Variants in ATP8A1 observed in about 807,000 individuals in gnomAD.
The protein encoded by ATP8A1 is phospholipid-transporting ATPase IA.
A neutral mutation model predicts 177.7 loss-of-function variants in ATP8A1; 90 were observed. The ratio of observed to expected loss-of-function variants is 0.51; its 90% CI spans 0.43 to 0.60. The LOEUF (loss-of-function observed/expected upper bound fraction) is 0.60, where lower values mean the gene tolerates loss of function less well. Ranked by LOEUF, ATP8A1 falls within the 20% of genes least tolerant of loss-of-function variation. The pLI is 0.00. For synonymous variants in ATP8A1, 493 were observed against 485.9 expected (o/e 1.01, Z -0.19); for missense variants, 1,072 against 1,392.8 (o/e 0.77, Z 3.67).
At chr4:42,517,018 A>G (rs1330083912) in intron 22 of ATP8A1, among the ~76,000 whole-genome samples, 1 of 152,132 alleles carries the variant, frequency 6.6e-6, no homozygotes, top group Non-Finnish European at 1.5e-5. Context: ...AACCTGATTT[A>G]GGCCAGGCAC....
At chr4:42,629,246 G>A (rs1247471498) in intron 1 of ATP8A1, among the ~76,000 whole-genome samples, 1 of 152,174 alleles carries the variant, frequency 6.6e-6, no homozygotes, top group Non-Finnish European at 1.5e-5. Context: ...GATCTTTAAA[G>A]AGAAAACTCA....
intron 6 of ATP8A1, among the ~76,000 whole-genome samples, chr4:42,598,423 T>A (rs1403503414): frequency 6.6e-6 from 1 of 152,160 alleles, no homozygotes; most frequent in African/African-American, 2.4e-5. Context: ...ACCACAGTGT[T>A]TTAATAACTT....
chr4:42,412,834 T>G lies in ATP8A1; in HGVS notation c.*82A>C, dbSNP rs1029716222. 8.7e-7 allele frequency: 1 copy of G among 1,153,950 alleles called. No homozygotes were observed. The highest frequency in any genetic ancestry group is 1.3e-6 in the Non-Finnish European group (1 of 777,782). The allele number at this position is 1,153,950 out of a possible 1,614,324, so 71.5% of individuals were successfully genotyped here. On this transcript the variant is annotated 3_prime_UTR_variant, in exon 37 of 37. Coordinates refer to ENST00000381668, the MANE Select transcript of ATP8A1 (RefSeq NM_006095.2). ...TACCTTTCCTCTTCATGGACCAGAC[T>G]GGAATTGGTTAGCAGACTGCGGTGA...
chr4:42,620,665 C>T (rs1186597797), intron 4 of ATP8A1, among the ~76,000 whole-genome samples: 7 of 152,104 alleles, frequency 4.6e-5, no homozygotes, highest in Non-Finnish European at 5.9e-5. Flanking sequence ...GACAAGTTAC[C>T]GTACCCCTCC....
intron 27 of ATP8A1, among the ~76,000 whole-genome samples, chr4:42,460,255 AAAG>A (rs1718963614): frequency 6.6e-6 from 1 of 152,232 alleles, no homozygotes; most frequent in Non-Finnish European, 1.5e-5. Flanking sequence ...ACAGAGGCAC[AAAG>A]AACAGGTGAA....
chr4:42,457,095 C>A (rs1718567479), intron 27 of ATP8A1, among the ~76,000 whole-genome samples: 1 of 152,162 alleles, frequency 6.6e-6, no homozygotes, highest in Admixed American at 6.5e-5. Context: ...ACAACAAAAG[C>A]AGAGAAATCA....
intron 15 of ATP8A1, among the ~76,000 whole-genome samples, chr4:42,559,311 T>C (rs1330477669): frequency 1.3e-5 from 2 of 152,108 alleles, no homozygotes; most frequent in African/African-American, 2.4e-5. Context: ...CAGAAATCAA[T>C]TTACAAAAAG....
chr4:42,428,586 G>C (rs1435024730), intron 33 of ATP8A1, among the ~76,000 whole-genome samples: 3 of 152,190 alleles, frequency 2.0e-5, no homozygotes, highest in Admixed American at 6.5e-5. Flanking sequence ...GAAATACTCT[G>C]CTTCTAGCTG....
In ATP8A1 at chr4:42,446,499, A is replaced by T. The variant is rs1017946338; in HGVS notation, c.2958+84T>A. On this transcript the variant is annotated intron_variant, in intron 31 of 36. Transcript: ENST00000381668. ...AACCCTTAAATCCAGAAACACTCATATCACGTTTAAATTTAAAAATAAAAT... is the reference window on the plus strand; with the variant it reads ...AACCCTTAAATCCAGAAACACTCATTTCACGTTTAAATTTAAAAATAAAAT... The T allele has an allele frequency of 6.4e-6, 9 of 1,400,722 alleles. No individual in the cohort carries two copies. The African/African-American group carries it at 1.3e-4, about 20-fold the overall frequency. 86.8% of individuals were successfully genotyped at this position (1,400,722 alleles called of 1,614,324 possible).
At chr4:42,497,401 C>T (rs972552017) in intron 24 of ATP8A1, among the ~76,000 whole-genome samples, 47 of 152,114 alleles carry the variant, frequency 3.1e-4, no homozygotes, top group African/African-American at 5.3e-4. Context: ...GCATGGCGTG[C>T]GCCTCTCAGA....
At chr4:42,513,499 G>A (rs1242520950) in intron 22 of ATP8A1, among the ~76,000 whole-genome samples, 1 of 152,116 alleles carries the variant, frequency 6.6e-6, no homozygotes, top group Non-Finnish European at 1.5e-5. Flanking sequence ...AATGAATTAA[G>A]GTTTAGCCAA....
intron 35 of ATP8A1, among the ~76,000 whole-genome samples, chr4:42,420,491 C>T (rs889258984): frequency 6.6e-6 from 1 of 152,152 alleles, no homozygotes; most frequent in African/African-American, 2.4e-5. Flanking sequence ...TTTTTGGGCT[C>T]TCTGGCTTAT....
chr4:42,636,992 A>T (rs1739460787), intron 1 of ATP8A1, among the ~76,000 whole-genome samples: 1 of 152,228 alleles, frequency 6.6e-6, no homozygotes, highest in African/African-American at 2.4e-5. Flanking sequence ...GGATATGCTC[A>T]GCCTATATAT....
At chr4:42,430,081 C>T (rs1262877764) in intron 33 of ATP8A1, among the ~76,000 whole-genome samples, 1 of 151,944 alleles carries the variant, frequency 6.6e-6, no homozygotes, top group African/African-American at 2.4e-5. Flanking sequence ...ACGCTTAATG[C>T]CATTGAATTT....
At chr4:42,455,209 T>C in intron 29 of ATP8A1, 88 bp downstream of exon 29, 2 of 1,520,922 alleles carry the variant, frequency 1.3e-6, no homozygotes, top group East Asian at 2.3e-5. Flanking sequence ...TAGTGTATCC[T>C]TGGCCTTTGA....
chr4:42,636,167 CACACAT>C (rs1344687885), intron 1 of ATP8A1, among the ~76,000 whole-genome samples: 2 of 106,542 alleles, frequency 1.9e-5, no homozygotes, highest in African/African-American at 6.1e-5. Flanking sequence ...CGCACACACA[CACACAT>C]AAGCTTCTTA....
At chr4:42,625,805 T>C (rs547347870) in intron 2 of ATP8A1, 92 bp from the exon 3 acceptor site, 176 of 617,290 alleles carry the variant, frequency 2.9e-4, no homozygotes, top group Non-Finnish European at 3.0e-4. Context: ...AAAAGTTAGA[T>C]AAGGAACATT....
At chr4:42,464,121 T>C (rs1310218376) in intron 27 of ATP8A1, among the ~76,000 whole-genome samples, 1 of 152,222 alleles carries the variant, frequency 6.6e-6, no homozygotes, top group Non-Finnish European at 1.5e-5. Flanking sequence ...CAGTCAAGTT[T>C]ATAGACTTTT....
At chr4:42,580,764 A>G (rs1334972291) in intron 10 of ATP8A1, among the ~76,000 whole-genome samples, 1 of 152,208 alleles carries the variant, frequency 6.6e-6, no homozygotes, top group South Asian at 2.1e-4. Context: ...ACTGTTTTCC[A>G]CACCCATCTG....
Sources: gnomAD v4.1 joint callset for allele counts (sites outside exome capture counted in the v4.1 genomes callset) on GRCh38, gnomAD v4.1.1 for gene constraint, MANE v1.5 for transcripts, NCBI Gene and HGNC (gene_info 2026-07-23, HGNC 2026-07-21) for gene names.